CASK: variants seen among roughly 807,000 people sequenced by gnomAD.
The protein encoded by CASK is calcium/calmodulin dependent serine protein kinase, also known as peripheral plasma membrane protein CASK.
In CASK, 4 loss-of-function variants were observed where a neutral mutation model predicts 82.9. The observed-to-expected ratio is 0.05, with a 90% CI of 0.02 to 0.11. The LOEUF is 0.11. Among genes scored for constraint, CASK ranks in the 10% least tolerant of loss-of-function variants. The probability of loss-of-function intolerance (pLI) is 1.00; values close to 1 mark genes in which losing one functional copy is unlikely to be tolerated. For missense variants in CASK, 358 were observed against 720.9 expected, an observed-to-expected ratio of 0.50 and a Z score of 5.76; for synonymous variants, 259 against 253.5, an observed-to-expected ratio of 1.02 and a Z score of -0.20.
At chrX:41,767,434 G>C (rs2069139115) in intron 3 of CASK, among the ~76,000 whole-genome samples, 4 of 111,635 alleles carry the variant, frequency 3.6e-5, no homozygotes, top group Admixed American at 2.9e-4. Context: ...ACTTCTTCTA[G>C]TGTTATCATC....
chrX:41,854,224 G>A (rs5964060), intron 1 of CASK, among the ~76,000 whole-genome samples: 27,733 of 81,764 alleles, frequency 0.34, 3,408 homozygotes, highest in Middle Eastern at 0.51. Context: ...GCGGGCGCGC[G>A]CACACACACA....
At chrX:41,627,445 GT>G (rs2066398052) in intron 9 of CASK, among the ~76,000 whole-genome samples, 1 of 111,702 alleles carries the variant, frequency 9.0e-6, no homozygotes, top group Non-Finnish European at 1.9e-5. Flanking sequence ...GGTACAAGTG[GT>G]TTTTGGTTAC....
chrX:41,835,698 T>C (rs975887990), intron 2 of CASK, among the ~76,000 whole-genome samples: 1 of 112,386 alleles, frequency 8.9e-6, no homozygotes, highest in Non-Finnish European at 1.9e-5. Context: ...TGAGTCATTT[T>C]AGTTAACAAA....
At chrX:41,855,517 T>C (rs73624967) in intron 1 of CASK, among the ~76,000 whole-genome samples, 1,166 of 111,772 alleles carry the variant, frequency 0.01, 17 homozygotes, top group African/African-American at 0.035. Context: ...TGGTTTCCCA[T>C]CTTAAAAAGG....
intron 3 of CASK, among the ~76,000 whole-genome samples, chrX:41,769,430 A>G (rs1196556362): frequency 9.1e-6 from 1 of 110,109 alleles, no homozygotes; most frequent in Non-Finnish European, 1.9e-5. Context: ...CCTGGGCTCA[A>G]AAGGGAAAAT....
chrX:41,676,549 G>C (rs747812023), intron 5 of CASK: 92 of 1,049,821 alleles, frequency 8.8e-5, no homozygotes, highest in Non-Finnish European at 1.1e-4. Flanking sequence ...CCTCGCCTGG[G>C]TCTACCTGGC....
At chrX:41,558,446 G>A (rs1162219968) in intron 18 of CASK, 1 of 110,537 alleles carries the variant, frequency 9.0e-6, no homozygotes, top group Non-Finnish European at 1.9e-5. Flanking sequence ...AGTACCTTCT[G>A]GTTAGTTAGC....
intron 8 of CASK, among the ~76,000 whole-genome samples, chrX:41,652,951 C>T (rs952128138): frequency 8.9e-6 from 1 of 112,209 alleles, no homozygotes; most frequent in African/African-American, 3.2e-5. Flanking sequence ...GGACTTGTGA[C>T]TGGTGTCTGA....
In CASK at chrX:41,853,918, GA is replaced by G. The variant is rs200187375; in HGVS notation, c.60-692del. Among the ~76,000 whole-genome samples, 12 of 110,837 alleles carry G rather than the reference GA, an allele frequency of 1.1e-4. No homozygotes were observed. The East Asian group carries it at 2.3e-3, about 21-fold the overall frequency. On this transcript the variant is annotated intron_variant, in intron 1 of 26. Transcript: ENST00000378163. ...TATAAGTAACTTGTAAATACAATAAGAAAAAAAACACACTCCAATAAAATCT... is the reference window on the plus strand; with the variant it reads ...TATAAGTAACTTGTAAATACAATAAGAAAAAAACACACTCCAATAAAATCT...
chrX:41,610,364 G>A (rs2066025664), intron 11 of CASK, among the ~76,000 whole-genome samples: 1 of 111,706 alleles, frequency 9.0e-6, no homozygotes, highest in South Asian at 3.8e-4. Context: ...ATGGGTTTCA[G>A]GACTCCAAGA....
At chrX:41,882,597 G>C (rs753825529) in intron 1 of CASK, among the ~76,000 whole-genome samples, 1 of 111,777 alleles carries the variant, frequency 8.9e-6, no homozygotes, top group African/African-American at 3.2e-5. Context: ...GATACCATCC[G>C]AAGGGTAAAT....
chrX:41,855,409 C>T (rs2071349108), intron 1 of CASK, among the ~76,000 whole-genome samples: 1 of 111,590 alleles, frequency 9.0e-6, no homozygotes, highest in Admixed American at 9.5e-5. Flanking sequence ...CCAAATTTAA[C>T]ACCCTAAAAA....
intron 16 of CASK, among the ~76,000 whole-genome samples, chrX:41,564,665 G>C (rs1321768918): frequency 8.9e-6 from 1 of 112,035 alleles, no homozygotes; most frequent in Non-Finnish European, 1.9e-5. Flanking sequence ...GTCAATATTA[G>C]ACAGATCAAT....
intron 15 of CASK, chrX:41,571,041 T>C (rs1479445820): frequency 8.9e-6 from 1 of 112,199 alleles, no homozygotes; most frequent in Non-Finnish European, 1.9e-5. Flanking sequence ...TATTAACCTT[T>C]TCATATATTG....
At chrX:41,854,242 A>G (rs1352431098) in intron 1 of CASK, among the ~76,000 whole-genome samples, 7 of 108,373 alleles carry the variant, frequency 6.5e-5, no homozygotes, top group Non-Finnish European at 1.4e-4. Flanking sequence ...ACACACACAC[A>G]CACACACACA....
At chrX:41,563,459 TA>T (rs2065262319) in intron 16 of CASK, among the ~76,000 whole-genome samples, 1 of 70,995 alleles carries the variant, frequency 1.4e-5, no homozygotes, top group Non-Finnish European at 2.9e-5. Context: ...AAGGAGATAA[TA>T]AAAATTAGGT....
At chrX:41,882,426 T>C (rs905578362) in intron 1 of CASK, among the ~76,000 whole-genome samples, 11 of 111,599 alleles carry the variant, frequency 9.9e-5, no homozygotes, top group African/African-American at 3.6e-4. Flanking sequence ...TAACTCTCAG[T>C]CTAGGATGCT....
intron 15 of CASK, among the ~76,000 whole-genome samples, chrX:41,575,531 A>G (rs1322882926): frequency 9.5e-6 from 1 of 104,814 alleles, no homozygotes; most frequent in Non-Finnish European, 2.0e-5. Context: ...GGGAATTCCA[A>G]TCAATAAAAA....
chrX:41,663,183 A>G (rs1259233676), intron 7 of CASK, among the ~76,000 whole-genome samples: 1 of 111,526 alleles, frequency 9.0e-6, no homozygotes, highest in Non-Finnish European at 1.9e-5. Flanking sequence ...TATTCTCTCT[A>G]CTATTTTTGT....
Sources: allele counts gnomAD v4.1 joint callset (sites outside exome capture counted in the v4.1 genomes callset), GRCh38; gene constraint gnomAD v4.1.1; transcripts MANE v1.5; gene names NCBI Gene and HGNC (gene_info 2026-07-23, HGNC 2026-07-21).